WWOX: variants seen among roughly 807,000 people sequenced by gnomAD.
WWOX encodes WW domain containing oxidoreductase, also known as WW domain-containing oxidoreductase.
In WWOX, 69 loss-of-function variants were observed where a neutral mutation model predicts 46.2. The ratio of observed to expected loss-of-function variants is 1.49; its 90% CI spans 1.23 to 1.82. WWOX has a LOEUF of 1.82. Among genes scored for constraint, WWOX ranks in the 40% most tolerant of loss-of-function variants. The pLI, the probability that WWOX is intolerant of heterozygous loss-of-function variation, is 0.00. For missense variants in WWOX, 919 were observed against 542.6 expected, an observed-to-expected ratio of 1.69 and a Z score of -6.89; for synonymous variants, 359 against 202.6, an observed-to-expected ratio of 1.77 and a Z score of -6.56.
Position 79,062,704 on chromosome 16 carries a change from C to A in WWOX, c.1057-148904C>A, listed in dbSNP as rs117705860. ...TTTCCTATTTCCCTTGCAAGAGGTA[C>A]CTCCTGGTTTTCAGCCTGAGGAGGA... On this transcript the variant is annotated intron_variant, in intron 8 of 8. Transcript: ENST00000566780. Among the ~76,000 whole-genome samples, 8 of 152,250 alleles carry A rather than the reference C, an allele frequency of 5.3e-5. No individual in the cohort carries two copies. The East Asian group carries it at 1.5e-3, about 29-fold the overall frequency.
At position 78,289,481 on chromosome 16, in the gene WWOX, C is replaced by G. The variant is rs1406179893; in HGVS notation, c.517-97379C>G. On this transcript the variant is annotated intron_variant, in intron 5 of 8. Coordinates refer to ENST00000566780, the MANE Select transcript of WWOX (RefSeq NM_016373.4). Reference sequence around the variant, plus strand: ...AGGGTAGTGGGAAGGAACAGGGTAGCAACTCTACAGTGACTTGGTCTGAGA... The same window carrying G: ...AGGGTAGTGGGAAGGAACAGGGTAGGAACTCTACAGTGACTTGGTCTGAGA... Among the ~76,000 whole-genome samples, 3 of 152,098 alleles carry G rather than the reference C, an allele frequency of 2.0e-5. No homozygotes were observed. In the East Asian group the frequency reaches 5.8e-4, roughly 29 times the overall value.
chr16:79,186,293 C>T (rs2051013218), intron 8 of WWOX, among the ~76,000 whole-genome samples: 1 of 152,170 alleles, frequency 6.6e-6, no homozygotes, highest in Non-Finnish European at 1.5e-5. Context: ...ATCTCACAGT[C>T]CTAGAAGCCA....
At chr16:78,517,062 T>C (rs1395896007) in intron 8 of WWOX, among the ~76,000 whole-genome samples, 1 of 152,226 alleles carries the variant, frequency 6.6e-6, no homozygotes. Flanking sequence ...TTTAAAGTTT[T>C]ATGAAAAAGT....
chr16:78,791,017 T>TC (rs1488674573), intron 8 of WWOX, among the ~76,000 whole-genome samples: 4 of 18,630 alleles, frequency 2.1e-4, no homozygotes, highest in African/African-American at 1.6e-3. Context: ...AGACCCTGTC[T>TC]CAAAAAAAAA....
At chr16:78,879,152 G>C (rs548747264) in intron 8 of WWOX, among the ~76,000 whole-genome samples, 1 of 152,244 alleles carries the variant, frequency 6.6e-6, no homozygotes, top group Admixed American at 6.5e-5. Flanking sequence ...ACGCAGATAA[G>C]AAAATCGAAG....
intron 8 of WWOX, among the ~76,000 whole-genome samples, chr16:79,180,796 G>GT (rs1171114210): frequency 4.6e-5 from 7 of 151,712 alleles, no homozygotes; most frequent in Non-Finnish European, 1.0e-4. Flanking sequence ...TATCCACTCT[G>GT]AATAGAAACC....
chr16:78,121,589 G>C (rs960177899), intron 4 of WWOX, among the ~76,000 whole-genome samples: 1 of 151,960 alleles, frequency 6.6e-6, no homozygotes, highest in Admixed American at 6.6e-5. Flanking sequence ...TAATAGGGGT[G>C]TGTGTATGTT....
intron 5 of WWOX, among the ~76,000 whole-genome samples, chr16:78,368,933 C>G (rs113789184): frequency 0.013 from 1,973 of 152,280 alleles, 39 homozygotes; most frequent in African/African-American, 0.044. Context: ...CTGTCAGTTG[C>G]TCTCTACTGC....
intron 8 of WWOX, among the ~76,000 whole-genome samples, chr16:78,901,015 T>A (rs981301064): frequency 1.3e-5 from 2 of 152,196 alleles, no homozygotes; most frequent in East Asian, 3.9e-4. Context: ...TCCAAGAACA[T>A]GTTCTACAGA....
intron 8 of WWOX, among the ~76,000 whole-genome samples, chr16:79,029,579 C>G (rs2047713228): frequency 6.6e-6 from 1 of 152,122 alleles, no homozygotes; most frequent in Admixed American, 6.5e-5. Flanking sequence ...AACTGTTTTT[C>G]TATATCCTCC....
At chr16:78,235,773 A>C (rs930061869) in intron 5 of WWOX, among the ~76,000 whole-genome samples, 11 of 152,112 alleles carry the variant, frequency 7.2e-5, no homozygotes, top group Non-Finnish European at 2.9e-5. Flanking sequence ...CTAGATGGTC[A>C]AGGTGATTGG....
chr16:78,982,729 T>C (rs768584097), intron 8 of WWOX, among the ~76,000 whole-genome samples: 1 of 152,216 alleles, frequency 6.6e-6, no homozygotes, highest in Non-Finnish European at 1.5e-5. Flanking sequence ...AAAATGTGCA[T>C]TTGAATCCTG....
Position 78,434,232 on chromosome 16 carries a change from T to G in WWOX, c.1056+1480T>G, listed in dbSNP as rs1018138418. On this transcript the variant is annotated intron_variant, in intron 8 of 8. Transcript: ENST00000566780. ...CCAAGAGTCGAATACTTAGGATCAG[T>G]GGCAGTGAAGTGAAAGGACCTACGG... Among the ~76,000 whole-genome samples, 6 of 152,296 alleles carry G rather than the reference T, an allele frequency of 3.9e-5. 1 individual carries two copies. Among genetic ancestry groups the G allele is most frequent in the African/African-American group, 1.4e-4 (6 of 41,568 alleles).
chr16:78,808,387 G>C (rs1449896260), intron 8 of WWOX, among the ~76,000 whole-genome samples: 18 of 152,166 alleles, frequency 1.2e-4, no homozygotes, highest in Non-Finnish European at 1.5e-5. Flanking sequence ...AGATATAGGT[G>C]CAAATAATTT....
intron 8 of WWOX, among the ~76,000 whole-genome samples, chr16:79,132,701 T>C (rs1307929262): frequency 2.0e-5 from 3 of 152,206 alleles, no homozygotes; most frequent in African/African-American, 7.2e-5. Context: ...AAAAAAACTT[T>C]GGAAAGAGGC....
intron 8 of WWOX, among the ~76,000 whole-genome samples, chr16:78,563,726 G>T (rs1003191886): frequency 6.6e-6 from 1 of 151,996 alleles, no homozygotes; most frequent in Non-Finnish European, 1.5e-5. Context: ...TTTGTGTCCT[G>T]GTTGGCAGAT....
chr16:78,519,699 C>G (rs971448746), intron 8 of WWOX, among the ~76,000 whole-genome samples: 6 of 151,922 alleles, frequency 3.9e-5, no homozygotes, highest in African/African-American at 1.5e-4. Flanking sequence ...GGTTTAGTGC[C>G]TTTATAAAAC....
At chr16:78,776,161 A>G (rs566739044) in intron 8 of WWOX, among the ~76,000 whole-genome samples, 2 of 152,322 alleles carry the variant, frequency 1.3e-5, no homozygotes, top group South Asian at 4.1e-4. Flanking sequence ...TAAAAAAATG[A>G]TTCTGCATTC....
intron 8 of WWOX, among the ~76,000 whole-genome samples, chr16:78,621,803 C>T (rs527886644): frequency 1.3e-5 from 2 of 151,806 alleles, no homozygotes; most frequent in Admixed American, 6.6e-5. Context: ...GATGGGGTTT[C>T]ACCATGTTAG....
Sources: gnomAD v4.1 joint callset for allele counts (sites outside exome capture counted in the v4.1 genomes callset) on GRCh38, gnomAD v4.1.1 for gene constraint, MANE v1.5 for transcripts, NCBI Gene and HGNC (gene_info 2026-07-23, HGNC 2026-07-21) for gene names.